Variants in MALRD1 observed in about 807,000 individuals in gnomAD.
MALRD1 encodes the protein MAM and LDL receptor class A domain containing 1.
A neutral mutation model predicts 242.1 loss-of-function variants in MALRD1; 247 were observed. That is an observed-to-expected ratio of 1.02 (90% CI 0.92 to 1.13). The LOEUF is 1.13. MALRD1 is among the 50% of genes most tolerant of loss of function. The probability of loss-of-function intolerance (pLI) is 0.00; values close to 1 mark genes in which losing one functional copy is unlikely to be tolerated. For missense variants in MALRD1, 2,989 were observed against 2,533.1 expected, an observed-to-expected ratio of 1.18 and a Z score of -3.86; for synonymous variants, 995 against 866.6, an observed-to-expected ratio of 1.15 and a Z score of -2.60.
chr10:19,104,335 G>A (rs1180714955), intron 5 of MALRD1, among the ~76,000 whole-genome samples: 1 of 152,096 alleles, frequency 6.6e-6, no homozygotes, highest in Admixed American at 6.6e-5. Context: ...TGTTTACAAC[G>A]GCTAAAGTTA....
intron 12 of MALRD1, among the ~76,000 whole-genome samples, chr10:19,157,765 A>G (rs1488089992): frequency 1.3e-5 from 2 of 152,050 alleles, no homozygotes; most frequent in South Asian, 2.1e-4. Flanking sequence ...CTGAAATTAT[A>G]TGGTTTTTTT....
At chr10:19,292,726 A>G (rs1409804023) in intron 21 of MALRD1, among the ~76,000 whole-genome samples, 2 of 151,898 alleles carry the variant, frequency 1.3e-5, no homozygotes, top group Non-Finnish European at 2.9e-5. Context: ...CCCCGTCTCT[A>G]CTAAAAATAC....
intron 33 of MALRD1, among the ~76,000 whole-genome samples, chr10:19,591,264 C>T (rs577732256): frequency 6.8e-4 from 103 of 152,274 alleles, no homozygotes; most frequent in African/African-American, 2.4e-3. Flanking sequence ...TCTTATTTTA[C>T]AGAGTTAAAG....
intron 28 of MALRD1, among the ~76,000 whole-genome samples, chr10:19,412,938 AT>A (rs1482791874): frequency 6.6e-6 from 1 of 152,138 alleles, no homozygotes; most frequent in Non-Finnish European, 1.5e-5. Flanking sequence ...CAAACATTTT[AT>A]TTTACAAAGA....
chr10:19,202,409 C>T (rs1367222652), intron 14 of MALRD1, among the ~76,000 whole-genome samples: 1 of 151,946 alleles, frequency 6.6e-6, no homozygotes, highest in African/African-American at 2.4e-5. Context: ...AATATTATTA[C>T]CTCACATTCT....
At chr10:19,644,662 A>C (rs1354898791) in intron 36 of MALRD1, among the ~76,000 whole-genome samples, 2 of 152,246 alleles carry the variant, frequency 1.3e-5, no homozygotes, top group Admixed American at 1.3e-4. Flanking sequence ...ATAACATATA[A>C]TAATATAAAT....
At chr10:19,123,764 C>CG (rs1837152078) in intron 6 of MALRD1, among the ~76,000 whole-genome samples, 171 bp downstream of exon 6, 1 of 151,862 alleles carries the variant, frequency 6.6e-6, no homozygotes, top group Non-Finnish European at 1.5e-5. Context: ...CAATTTAAGG[C>CG]GATGTCATTT....
intron 18 of MALRD1, among the ~76,000 whole-genome samples, chr10:19,237,449 T>A (rs1263042992): frequency 6.8e-6 from 1 of 147,358 alleles, no homozygotes; most frequent in Non-Finnish European, 1.5e-5. Flanking sequence ...TCATCCATGT[T>A]GTTGCAACTG....
intron 14 of MALRD1, among the ~76,000 whole-genome samples, chr10:19,182,190 C>A (rs997534954): frequency 1.3e-5 from 2 of 151,964 alleles, no homozygotes; most frequent in African/African-American, 4.8e-5. Context: ...GTTTAAGAAC[C>A]TTACCTATAT....
chr10:19,185,134 A>G (rs1035923141), intron 14 of MALRD1, among the ~76,000 whole-genome samples: 8 of 152,224 alleles, frequency 5.3e-5, no homozygotes, highest in African/African-American at 1.7e-4. Context: ...TGAAGATATT[A>G]TGTGTCAAAT....
intron 28 of MALRD1, among the ~76,000 whole-genome samples, chr10:19,429,816 A>G (rs1196438931): frequency 6.6e-6 from 1 of 151,858 alleles, no homozygotes; most frequent in African/African-American, 2.4e-5. Flanking sequence ...TGACCCTTCA[A>G]TTCTCCCGCT....
intron 33 of MALRD1, among the ~76,000 whole-genome samples, chr10:19,586,210 C>A (rs550763215): frequency 3.5e-4 from 54 of 152,160 alleles, no homozygotes; most frequent in Non-Finnish European, 6.6e-4. Flanking sequence ...TCGTCTGAAG[C>A]CTTCTTCTCT....
At chr10:19,133,240 G>T (rs1282557587) in intron 8 of MALRD1, among the ~76,000 whole-genome samples, 1 of 152,038 alleles carries the variant, frequency 6.6e-6, no homozygotes, top group Non-Finnish European at 1.5e-5. Context: ...CATAGATTTT[G>T]CAATCTGAAA....
chr10:19,455,800 A>G (rs1276887284), intron 29 of MALRD1, among the ~76,000 whole-genome samples: 1 of 152,194 alleles, frequency 6.6e-6, no homozygotes, highest in African/African-American at 2.4e-5. Flanking sequence ...GCTTTGTGCA[A>G]TGCACTGCAC....
chr10:19,675,056 C>A (rs960891626), intron 36 of MALRD1, among the ~76,000 whole-genome samples: 2 of 152,096 alleles, frequency 1.3e-5, no homozygotes, highest in Non-Finnish European at 2.9e-5. Flanking sequence ...CACTTTTTAT[C>A]TGCTGCATTT....
intron 5 of MALRD1, among the ~76,000 whole-genome samples, chr10:19,119,035 G>A (rs192240989): frequency 1.3e-5 from 2 of 152,290 alleles, no homozygotes; most frequent in African/African-American, 4.8e-5. Flanking sequence ...GATGTTTCCT[G>A]AGCCAGAGTT....
chr10:19,257,768 C>T lies in MALRD1; in HGVS notation c.3076C>T (p.Pro1026Ser). Reference protein sequence around the residue: ...DLSFMDCTLYPGNLPADLPTP... With the variant: ...DLSFMDCTLYSGNLPADLPTP... ...GTCATTTATGGACTGCACCCTCTAC[C>T]CTGGTAAGAGAGAACATTTCAATTT... The change falls in exon 19 of 40, where the codon CCT becomes TCT. Residue 1026 changes from proline (P) to serine (S), a missense_variant. Physicochemically the swap from Pro to Ser is moderately conservative, Grantham distance 74 (BLOSUM62 -1). Transcript: ENST00000454679. 3 of 1,520,746 alleles carry T rather than the reference C, an allele frequency of 2.0e-6. No homozygotes were observed. Among genetic ancestry groups the T allele is most frequent in the Non-Finnish European group, 2.7e-6 (3 of 1,129,810 alleles). 94.2% of individuals were successfully genotyped at this position (1,520,746 alleles called of 1,614,324 possible). A position where few individuals can be genotyped will look rare whatever the true frequency, so the allele number is the denominator to read the frequency against.
At chr10:19,290,232 G>A (rs969130259) in intron 21 of MALRD1, 7 of 152,134 alleles carry the variant, frequency 4.6e-5, no homozygotes, top group Non-Finnish European at 8.8e-5. Context: ...ATAAATTTAA[G>A]ATTGCATCTT....
At position 19,403,997 on chromosome 10, in the gene MALRD1, G is replaced by A. The variant is rs145689762; in HGVS notation, c.4845+14388G>A. Among the ~76,000 whole-genome samples the A allele has an allele frequency of 2.2e-3, 341 of 152,132 alleles. 10 individuals carry two copies. In the East Asian group the frequency reaches 0.055, roughly 24 times the overall value. On this transcript the variant is annotated intron_variant, in intron 28 of 39. Coordinates refer to ENST00000454679, the MANE Select transcript of MALRD1 (RefSeq NM_001142308.3). Reference sequence around the variant, plus strand: ...TAATACTTCAAATGGCATTAAACACGTTAAGCTTTTTACTAAGCAATTTTG... The same window carrying A: ...TAATACTTCAAATGGCATTAAACACATTAAGCTTTTTACTAAGCAATTTTG...
Sources: gnomAD v4.1 joint callset for allele counts (sites outside exome capture counted in the v4.1 genomes callset) on GRCh38, gnomAD v4.1.1 for gene constraint, MANE v1.5 for transcripts, NCBI Gene and HGNC (gene_info 2026-07-23, HGNC 2026-07-21) for gene names.